Variants in ATF2 observed in about 807,000 individuals in gnomAD.
The protein encoded by ATF2 is cyclic AMP-dependent transcription factor ATF-2.
A neutral mutation model predicts 60.6 loss-of-function variants in ATF2; 24 were observed. The ratio of observed to expected loss-of-function variants is 0.40; its 90% confidence interval spans 0.29 to 0.56. The LOEUF is 0.56. Ranked by LOEUF, ATF2 falls within the 20% of genes least tolerant of loss-of-function variation. The pLI is 0.54. For synonymous variants in ATF2, 206 were observed against 215.4 expected, an observed-to-expected ratio of 0.96 and a Z score of 0.38; for missense variants, 433 against 607.7, an observed-to-expected ratio of 0.71 and a Z score of 3.02.
At chr2:175,086,779 A>T (rs945972628) in intron 12 of ATF2, among the ~76,000 whole-genome samples, 51 of 152,142 alleles carry the variant, frequency 3.4e-4, no homozygotes, top group African/African-American at 1.2e-3. Context: ...TCATAAAGAA[A>T]ATACTGTATT....
chr2:175,126,542 T>C (rs1368192112), intron 4 of ATF2, among the ~76,000 whole-genome samples: 1 of 152,200 alleles, frequency 6.6e-6, no homozygotes, highest in African/African-American at 2.4e-5. Flanking sequence ...TCTTAATGTT[T>C]TTCACATATA....
chr2:175,127,132 T>C (rs1697392136), intron 4 of ATF2: 1 of 151,550 alleles, frequency 6.6e-6, no homozygotes, highest in Admixed American at 6.6e-5. Context: ...CCAGCTACTC[T>C]GGAGGCTGAG....
At chr2:175,122,683 A>C (rs979616753) in intron 4 of ATF2, among the ~76,000 whole-genome samples, 2 of 152,016 alleles carry the variant, frequency 1.3e-5, no homozygotes, top group Admixed American at 6.6e-5. Flanking sequence ...GTGCGGCACA[A>C]TGCCTTGGTT....
At chr2:175,079,154 G>A (rs1314895992) in intron 13 of ATF2, among the ~76,000 whole-genome samples, 1 of 152,040 alleles carries the variant, frequency 6.6e-6, no homozygotes, top group Non-Finnish European at 1.5e-5. Flanking sequence ...ATGAATAACT[G>A]GTTTGCATCT....
At chr2:175,112,953 A>G (rs1018764130) in intron 9 of ATF2, among the ~76,000 whole-genome samples, 1 of 152,248 alleles carries the variant, frequency 6.6e-6, no homozygotes, top group Non-Finnish European at 1.5e-5. Context: ...GCATCTTAGA[A>G]GGTAAAAGAA....
At chr2:175,150,877 T>G (rs1699269576) in intron 2 of ATF2, among the ~76,000 whole-genome samples, 183 bp downstream of exon 2, 1 of 152,160 alleles carries the variant, frequency 6.6e-6, no homozygotes, top group Admixed American at 6.5e-5. Context: ...TCATTCTATC[T>G]CCAAAAGACA....
intron 5 of ATF2, 135 bp from the exon 6 acceptor site, chr2:175,118,504 A>G: frequency 1.4e-6 from 1 of 691,244 alleles, no homozygotes; most frequent in African/African-American, 1.9e-5. Flanking sequence ...CTCTTCCTTT[A>G]AAACAAACAA....
intron 1 of ATF2, among the ~76,000 whole-genome samples, chr2:175,158,412 C>G (rs575940204): frequency 3.3e-5 from 5 of 151,572 alleles, no homozygotes; most frequent in East Asian, 3.9e-4. Flanking sequence ...TTGGAGTGAC[C>G]GGTCTCACGA....
chr2:175,142,379 G>C (rs1490833708), intron 2 of ATF2, among the ~76,000 whole-genome samples: 1 of 151,912 alleles, frequency 6.6e-6, no homozygotes, highest in African/African-American at 2.4e-5. Flanking sequence ...ATGTTGGCCA[G>C]GCTGGTCTTG....
At position 175,111,649 on chromosome 2, in the gene ATF2, A is replaced by G. The variant is rs944321018; in HGVS notation, c.747T>C (p.Val249=). The part of the protein sequence containing the change: ...NVHVPAAVPL[V]RPVTMVPSVP... ...CACTAGGCACCATGGTGACTGGTCG[A>G]ACGAGCTATGCATGACATAAGGAAA... is the stretch of plus-strand genomic sequence containing the variant. Residue 249 remains valine (V), a synonymous_variant, in exon 10 of 14, where the codon GTT becomes GTC. Transcript: ENST00000264110. The G allele has an allele frequency of 1.2e-6, 2 of 1,613,562 alleles. No homozygotes were observed. Among genetic ancestry groups the G allele is most frequent in the African/African-American group, 2.7e-5 (2 of 74,914 alleles).
At position 175,167,688 on chromosome 2, in the gene ATF2, G is replaced by C. The variant is rs761348011; in HGVS notation, c.-143+362C>G. On this transcript the variant is annotated intron_variant, in intron 1 of 13. Transcript: ENST00000264110. The stretch of plus-strand genomic sequence containing the variant: ...ACGGCTGACTCGACGCGCGCCCCGA[G>C]GACCTCTGAACTGACCCAAGTAGGG... 4.4e-5 allele frequency: 22 copies of C among 503,758 alleles called. No homozygotes were observed. In the East Asian group the frequency reaches 1.2e-3, roughly 28 times the overall value. The allele number at this position is 503,758 out of a possible 1,614,324, so 31.2% of individuals were successfully genotyped here.
At chr2:175,097,142 G>A (rs907307484) in intron 11 of ATF2, among the ~76,000 whole-genome samples, 3 of 152,146 alleles carry the variant, frequency 2.0e-5, no homozygotes, top group Non-Finnish European at 4.4e-5. Context: ...ATTTCTCAAA[G>A]CAGTATTCAG....
Position 175,093,187 on chromosome 2 carries a change from T to C in ATF2, c.1059A>G (p.Glu353=), listed in dbSNP as rs547282480. The C allele has an allele frequency of 3.7e-6, 6 of 1,614,188 alleles. No individual in the cohort carries two copies. The African/African-American group carries it at 6.7e-5, about 18-fold the overall frequency. ...TTCGCTCTAAAAACTTTCTCCTTTT[T>C]TCATCAGGATCTTCGTTAGCTGCTC... is the stretch of plus-strand genomic sequence containing the variant. ...RRRAANEDPD[E]KRRKFLERNR... Residue 353 remains glutamate (E), a synonymous_variant, in exon 12 of 14, where the codon GAA becomes GAG. Transcript: ENST00000264110.
At chr2:175,120,663 T>C (rs1399029209) in intron 5 of ATF2, among the ~76,000 whole-genome samples, 1 of 151,766 alleles carries the variant, frequency 6.6e-6, no homozygotes, top group Non-Finnish European at 1.5e-5. Flanking sequence ...ATTTATGATA[T>C]GTAAATCTGT....
At position 175,167,712 on chromosome 2, in the gene ATF2, G is replaced by A. The variant is rs985618240; in HGVS notation, c.-143+338C>T. On this transcript the variant is annotated intron_variant, in intron 1 of 13. Transcript: ENST00000264110. ...AGGACCTCTGAACTGACCCAAGTAGGGTGAAGATAATTCGGAGGGAGGGGT... is the reference window on the plus strand; with the variant it reads ...AGGACCTCTGAACTGACCCAAGTAGAGTGAAGATAATTCGGAGGGAGGGGT... 1.0e-5 allele frequency: 5 copies of A among 495,884 alleles called. 1 individual carries two copies. The highest frequency in any genetic ancestry group is 6.0e-5 in the South Asian group (4 of 66,516). The allele number at this position is 495,884 out of a possible 1,614,324, so 30.7% of individuals were successfully genotyped here.
intron 12 of ATF2, among the ~76,000 whole-genome samples, chr2:175,082,305 G>A (rs1220659746): frequency 3.3e-5 from 5 of 152,136 alleles, no homozygotes; most frequent in Admixed American, 3.3e-4. Context: ...TTTGAGGCAA[G>A]AATGGGTAGA....
intron 2 of ATF2, chr2:175,147,842 TC>T (rs1699052643): frequency 1.3e-5 from 2 of 152,152 alleles, no homozygotes; most frequent in South Asian, 4.1e-4. Context: ...GCATTCATAT[TC>T]CCCTCTTAAA....
chr2:175,093,020 T>TA (rs1694666343), intron 12 of ATF2, 41 bp downstream of exon 12: 1 of 1,583,354 alleles, frequency 6.3e-7, no homozygotes, highest in Admixed American at 1.9e-5. Flanking sequence ...TCACAATTAT[T>TA]AAAAAAGAAA....
At chr2:175,107,399 C>T (rs930811500) in intron 10 of ATF2, among the ~76,000 whole-genome samples, 1 of 152,140 alleles carries the variant, frequency 6.6e-6, no homozygotes, top group African/African-American at 2.4e-5. Context: ...CCCTCTGACT[C>T]GGCGATTCTA....
Sources: allele counts gnomAD v4.1 joint callset (sites outside exome capture counted in the v4.1 genomes callset), GRCh38; gene constraint gnomAD v4.1.1; transcripts MANE v1.5; gene names NCBI Gene and HGNC (gene_info 2026-07-23, HGNC 2026-07-21).